Variants in VTI1A observed in about 807,000 individuals in gnomAD.
VTI1A encodes the protein vesicle transport through interaction with t-SNAREs homolog 1A.
Under a neutral mutation model 34.9 loss-of-function variants are expected in VTI1A, and 22 were observed. That is an observed-to-expected ratio of 0.63 (90% CI 0.45 to 0.90). VTI1A has a LOEUF of 0.90. Ranked by LOEUF, VTI1A falls within the 40% of genes least tolerant of loss-of-function variation. The probability of loss-of-function intolerance (pLI) is 0.00; values close to 1 mark genes in which losing one functional copy is unlikely to be tolerated. For missense variants in VTI1A, 268 were observed against 275.6 expected (o/e 0.97, Z 0.20); for synonymous variants, 87 against 97.3 (o/e 0.89, Z 0.62).
At chr10:112,581,559 C>G (rs1264376281) in intron 5 of VTI1A, among the ~76,000 whole-genome samples, 2 of 152,114 alleles carry the variant, frequency 1.3e-5, no homozygotes, top group Non-Finnish European at 2.9e-5. Context: ...AATGTGAAAT[C>G]CTTATACAAT....
intron 5 of VTI1A, among the ~76,000 whole-genome samples, chr10:112,593,168 C>A (rs962886020): frequency 3.9e-5 from 6 of 152,158 alleles, no homozygotes; most frequent in African/African-American, 1.4e-4. Flanking sequence ...AGTTTTCAAC[C>A]CTCGCTCAAC....
chr10:112,485,301 A>C (rs753802546), intron 3 of VTI1A: 3 of 152,118 alleles, frequency 2.0e-5, no homozygotes, highest in Non-Finnish European at 4.4e-5. Context: ...AGAAAAAAAG[A>C]AAAAAGAAAA....
chr10:112,763,708 C>T (rs1044957695), intron 7 of VTI1A, among the ~76,000 whole-genome samples: 2 of 152,152 alleles, frequency 1.3e-5, no homozygotes, highest in East Asian at 3.8e-4. Flanking sequence ...TATAAGCTCT[C>T]TTGGTTTGGG....
intron 7 of VTI1A, among the ~76,000 whole-genome samples, chr10:112,798,282 T>C (rs1445279023): frequency 6.6e-6 from 1 of 152,150 alleles, no homozygotes. Context: ...TGTCTCTCAG[T>C]TGGGCTTTCA....
chr10:112,761,860 C>CAG (rs10631289), intron 7 of VTI1A, among the ~76,000 whole-genome samples: 1 of 151,592 alleles, frequency 6.6e-6, no homozygotes, highest in African/African-American at 2.4e-5. Flanking sequence ...TATCTATACA[C>CAG]GTAGCAATCT....
chr10:112,792,531 C>G (rs1045120403), intron 7 of VTI1A, among the ~76,000 whole-genome samples: 1 of 152,134 alleles, frequency 6.6e-6, no homozygotes, highest in African/African-American at 2.4e-5. Flanking sequence ...ATAATCACCC[C>G]TACACACACA....
At chr10:112,843,309 A>G in the VTI1A span, among the ~76,000 whole-genome samples, 2 of 152,248 alleles carry the variant, frequency 1.3e-5, no homozygotes, top group African/African-American at 4.8e-5. Context: ...CAGCAAAGCC[A>G]CAAACCAGGA....
intron 5 of VTI1A, among the ~76,000 whole-genome samples, chr10:112,618,524 T>TATATATATATATATAG (rs748276058): frequency 5.8e-5 from 2 of 34,580 alleles, no homozygotes; most frequent in Non-Finnish European, 4.4e-5. Context: ...TATATATATA[T>TATATATATATATATAG]AGAGAGAGAG....
intron 3 of VTI1A, among the ~76,000 whole-genome samples, chr10:112,490,368 T>A (rs1049610696): frequency 6.6e-6 from 1 of 152,190 alleles, no homozygotes; most frequent in African/African-American, 2.4e-5. Context: ...AATACGACAT[T>A]TTTCTCTTGC....
intron 3 of VTI1A, among the ~76,000 whole-genome samples, chr10:112,475,516 A>G (rs1262780516): frequency 6.6e-6 from 1 of 152,224 alleles, no homozygotes; most frequent in East Asian, 1.9e-4. Flanking sequence ...TTTTGCTATG[A>G]CTTTATGGCA....
At chr10:112,690,994 A>C in intron 7 of VTI1A, among the ~76,000 whole-genome samples, 1 of 152,302 alleles carries the variant, frequency 6.6e-6, no homozygotes, top group East Asian at 1.9e-4. Flanking sequence ...TAGTTCGATC[A>C]AAGTGGTTCA....
chr10:112,737,026 A>G (rs1850506330), intron 7 of VTI1A: 1 of 525,014 alleles, frequency 1.9e-6, no homozygotes, highest in African/African-American at 1.9e-5. Context: ...GTAATAATCA[A>G]GGGAGAAACC....
intron 3 of VTI1A, among the ~76,000 whole-genome samples, chr10:112,482,504 AAAATGG>A (rs1479819147): frequency 6.6e-6 from 1 of 152,182 alleles, no homozygotes; most frequent in Non-Finnish European, 1.5e-5. Context: ...ATTCGAATGA[AAAATGG>A]CCGTAGATGG....
the VTI1A span, among the ~76,000 whole-genome samples, chr10:112,853,062 G>C: frequency 2.0e-5 from 3 of 152,264 alleles, no homozygotes; most frequent in African/African-American, 2.4e-5. Context: ...GGGATTACAG[G>C]CATGAGCCAC....
chr10:112,619,387 G>C (rs954742293), intron 5 of VTI1A, among the ~76,000 whole-genome samples: 1 of 152,070 alleles, frequency 6.6e-6, no homozygotes, highest in Admixed American at 6.5e-5. Context: ...CTGGAGGTCT[G>C]GGTGGGGAAC....
At chr10:112,508,212 T>C (rs2134172151) in intron 3 of VTI1A, among the ~76,000 whole-genome samples, 1 of 152,308 alleles carries the variant, frequency 6.6e-6, no homozygotes, top group South Asian at 2.1e-4. Flanking sequence ...GTTTGTTGTT[T>C]CAAACAAAGG....
At chr10:112,745,092 A>G (rs765661828) in intron 7 of VTI1A, among the ~76,000 whole-genome samples, 93 of 152,338 alleles carry the variant, frequency 6.1e-4, no homozygotes, top group Admixed American at 1.3e-3. Context: ...TGATTGACAC[A>G]TATGTAATAC....
At chr10:112,629,253 C>G (rs1268690761) in intron 5 of VTI1A, among the ~76,000 whole-genome samples, 2 of 152,254 alleles carry the variant, frequency 1.3e-5, no homozygotes, top group African/African-American at 4.8e-5. Context: ...TCACATTCCT[C>G]CTTAGGGACA....
intron 7 of VTI1A, among the ~76,000 whole-genome samples, chr10:112,762,946 T>C (rs1209034608): frequency 6.6e-6 from 1 of 152,084 alleles, no homozygotes; most frequent in Admixed American, 6.5e-5. Flanking sequence ...GTTTTAAATA[T>C]ATATATAACA....
Sources: gnomAD v4.1 joint callset for allele counts (sites outside exome capture counted in the v4.1 genomes callset) on GRCh38, gnomAD v4.1.1 for gene constraint, MANE v1.5 for transcripts, NCBI Gene and HGNC (gene_info 2026-07-23, HGNC 2026-07-21) for gene names.